The following SCNN1A variants were observed in gnomAD, a reference collection of about 807,000 sequenced individuals.
SCNN1A encodes the protein sodium channel epithelial 1 subunit alpha, also known as epithelial sodium channel subunit alpha.
In SCNN1A, 65 loss-of-function variants were observed where a neutral mutation model predicts 68.6. The observed-to-expected ratio is 0.95, with a 90% CI of 0.78 to 1.16. SCNN1A has a LOEUF of 1.16. SCNN1A is among the 50% of genes most tolerant of loss of function. The probability of loss-of-function intolerance (pLI) is 0.00; values close to 1 mark genes in which losing one functional copy is unlikely to be tolerated. For synonymous variants in SCNN1A, 357 were observed against 353.3 expected (o/e 1.01, Z -0.12); for missense variants, 880 against 865.9 (o/e 1.02, Z -0.20).
rs547416992 is a variant in SCNN1A, at chr12:6,375,019, C to T, written c.-54-182G>A. On this transcript the variant is annotated intron_variant, in intron 1 of 12. Transcript: ENST00000228916. The stretch of plus-strand genomic sequence containing the variant: ...CCTCCCTCCTCCACCTTTCCTGGAG[C>T]CAGCAGACCTGCGGGAGTTGGGGCC... 3.8e-5 allele frequency: 58 copies of T among 1,544,690 alleles called. No homozygotes were observed. The East Asian group carries it at 1.2e-3, about 33-fold the overall frequency.
At position 6,351,340 on chromosome 12, in the gene SCNN1A, A is replaced by C. The variant is rs756154849; in HGVS notation, c.1361-1935T>G. ...ATTCCATCTATATGAAAGATTCAGA[A>C]TAGCCGGGCGCAGTGGCTCATGCCT... On this transcript the variant is annotated intron_variant, in intron 8 of 12. Coordinates refer to ENST00000228916, the MANE Select transcript of SCNN1A (RefSeq NM_001038.6). This position sits in a 1 kb window ranked among gnomAD's most constrained non-coding sequence, Gnocchi z 4.2. Among the ~76,000 whole-genome samples the C allele has an allele frequency of 5.2e-4, 79 of 152,170 alleles. No homozygotes were observed. Among genetic ancestry groups the C allele is most frequent in the Non-Finnish European group, 8.2e-4 (56 of 68,028 alleles).
At chr12:6,359,573 C>T (rs947281154) in intron 4 of SCNN1A, among the ~76,000 whole-genome samples, 2 of 152,032 alleles carry the variant, frequency 1.3e-5, no homozygotes, top group Admixed American at 6.6e-5. Flanking sequence ...TTAGTTCACC[C>T]GATAGCTGGT....
intron 8 of SCNN1A, 172 bp downstream of exon 8, chr12:6,354,266 G>A: frequency 1.5e-6 from 1 of 661,940 alleles, no homozygotes; most frequent in Non-Finnish European, 2.7e-6. Context: ...GACTGAGGGA[G>A]AGGGAAACTG....
chr12:6,355,681 G>C (rs562838882), intron 5 of SCNN1A, 96 bp downstream of exon 5: 413 of 976,110 alleles, frequency 4.2e-4, no homozygotes, highest in Non-Finnish European at 6.1e-4. Context: ...ACAGCAGGCA[G>C]GACCCCTCCC....
At chr12:6,365,651 A>G (rs1007398243) in intron 2 of SCNN1A, among the ~76,000 whole-genome samples, 30 of 147,542 alleles carry the variant, frequency 2.0e-4, no homozygotes, top group Non-Finnish European at 3.7e-4. Context: ...ACTGTATTGG[A>G]AAAAAAATGA....
Position 6,372,432 on chromosome 12 carries a change from C to T in SCNN1A, c.416+1936G>A, listed in dbSNP as rs112509538. On this transcript the variant is annotated intron_variant, in intron 2 of 12. Transcript: ENST00000228916. The surrounding 1 kb of genome is among the most constrained non-coding windows in gnomAD (Gnocchi z 5.8). Reference sequence around the variant, plus strand: ...CCTCTCCTAGGTGTTCTCTCCCTCCCGACTCCCACAGCAGCCCTTCAAGAA... The same window carrying T: ...CCTCTCCTAGGTGTTCTCTCCCTCCTGACTCCCACAGCAGCCCTTCAAGAA... Among the ~76,000 whole-genome samples, 308 of 152,318 alleles carry T rather than the reference C, an allele frequency of 2.0e-3. 1 individual carries two copies. The highest frequency in any genetic ancestry group is 3.5e-3 in the Non-Finnish European group (238 of 68,036).
chr12:6,375,867 C>A, upstream of SCNN1A: 1 of 1,304,046 alleles, frequency 7.7e-7, no homozygotes, highest in Non-Finnish European at 9.7e-7. Context: ...GGGTGGGGAA[C>A]CGGGAGGACA....
intron 1 of SCNN1A, chr12:6,375,187 C>G: frequency 4.1e-6 from 6 of 1,451,696 alleles, no homozygotes; most frequent in Non-Finnish European, 5.4e-6. Context: ...TGTGTCTCAG[C>G]TCCTGCCTCT....
rs768842453 is a variant in SCNN1A at position 6,349,196 on chromosome 12, C to G, written c.1465G>C (p.Gly489Arg). ...CSVTSYQLSA[G>R]YSRWPSVTSQ... ...GTCACCGAGGGCCATCGTGAGTAAC[C>G]AGCAGAGAGCTGGTAGCTGGTCACG... The change falls in exon 10 of 13, where the codon GGT (glycine) becomes CGT (arginine). Residue 489 changes from glycine to arginine, a missense_variant. Gly to Arg is a moderately radical substitution (Grantham distance 125). Around this residue, in one of 3 missense-constraint regions of SCNN1A, gnomAD observed 758 missense variants for 721.8 expected, o/e 1.05. Coordinates refer to ENST00000228916, the MANE Select transcript of SCNN1A (RefSeq NM_001038.6). The G allele has an allele frequency of 1.2e-6, 2 of 1,614,162 alleles. No homozygotes were observed. Among genetic ancestry groups the G allele is most frequent in the Admixed American group, 3.3e-5 (2 of 60,024 alleles).
At chr12:6,353,451 T>C (rs1475481031) in intron 8 of SCNN1A, among the ~76,000 whole-genome samples, 1 of 152,024 alleles carries the variant, frequency 6.6e-6, no homozygotes, top group Admixed American at 6.6e-5. Flanking sequence ...CTAAGCGCCC[T>C]GGGCACTGAG....
chr12:6,356,961 A>G (rs78247685), intron 4 of SCNN1A, among the ~76,000 whole-genome samples: 20 of 152,336 alleles, frequency 1.3e-4, no homozygotes, highest in Non-Finnish European at 2.4e-4. Flanking sequence ...TGTAAAATGT[A>G]GGATGATTCT....
At chr12:6,375,564 G>A (rs1200370244), upstream of SCNN1A, 21 of 1,533,446 alleles carry the variant, frequency 1.4e-5, no homozygotes, top group East Asian at 4.9e-5. Context: ...GGATGGAAGC[G>A]ACAGGAATCT....
In SCNN1A at chr12:6,351,519, C is replaced by T. The variant is rs150145131; in HGVS notation, c.1361-2114G>A. Among the ~76,000 whole-genome samples, 11 of 151,540 alleles carry T rather than the reference C, an allele frequency of 7.3e-5. No homozygotes were observed. Among genetic ancestry groups the T allele is most frequent in the African/African-American group, 2.4e-4 (10 of 41,202 alleles). ...GCGCCTGTATGTAGTCCCAGGTACTCGGGAAGCTGAGACAGGAGAATTGCT... is the reference window on the plus strand; with the variant it reads ...GCGCCTGTATGTAGTCCCAGGTACTTGGGAAGCTGAGACAGGAGAATTGCT... On this transcript the variant is annotated intron_variant, in intron 8 of 12. Transcript: ENST00000228916. The surrounding 1 kb of genome is among the most constrained non-coding windows in gnomAD (Gnocchi z 4.2).
rs1469684868 is a variant in SCNN1A, at chr12:6,347,966, G to A, written c.1917C>T (p.Ala639=). The change falls in exon 13 of 13, where the codon GCC becomes GCT. Residue 639 remains alanine (A), a synonymous_variant. Coordinates refer to ENST00000228916, the MANE Select transcript of SCNN1A (RefSeq NM_001038.6). ...CCAGGGTGGCATAGGCAGGGGGAGG[G>A]GCTGTCAAGGCTGGAGAGGGAGCAG... ...PGPAPSPALT[A]PPPAYATLGP... 5 of 1,560,760 alleles carry A rather than the reference G, an allele frequency of 3.2e-6. No individual in the cohort carries two copies. In the Admixed American group the frequency reaches 9.3e-5, roughly 29 times the overall value.
At position 6,347,327 on chromosome 12, in the gene SCNN1A, C is replaced by T. The variant is rs973450383; in HGVS notation, c.*546G>A. 6.0e-6 allele frequency: 1 copy of T among 165,704 alleles called. No individual in the cohort carries two copies. Among genetic ancestry groups the T allele is most frequent in the African/African-American group, 2.4e-5 (1 of 41,596 alleles). 10.3% of individuals were successfully genotyped at this position (165,704 alleles called of 1,614,324 possible). A position where few individuals can be genotyped will look rare whatever the true frequency, so the allele number is the denominator to read the frequency against. The stretch of plus-strand genomic sequence containing the variant: ...TTACCCGGGTCTGCTCTAGCCCTAG[C>T]CCTCGGGAGTCAGGGAAGGGGAATT... On this transcript the variant is annotated 3_prime_UTR_variant, in exon 13 of 13. Transcript: ENST00000228916.
At chr12:6,377,214 G>T, upstream of SCNN1A, 4 of 1,532,848 alleles carry the variant, frequency 2.6e-6, 1 homozygote, top group South Asian at 2.4e-5. Flanking sequence ...GTGAAAGCCG[G>T]TGTCAACCAG....
rs59652159 is a variant in SCNN1A at position 6,359,764 on chromosome 12, CTTTTTTT to C, written c.875+2280_875+2286del. Among the ~76,000 whole-genome samples, 14 of 76,946 alleles carry C rather than the reference CTTTTTTT, an allele frequency of 1.8e-4. No individual in the cohort carries two copies. In the South Asian group the frequency reaches 2.4e-3, roughly 13 times the overall value. The allele number at this position is 76,946 out of a possible 152,430, so 50.5% of individuals were successfully genotyped here. ...ATAAATTACCCAGACTCAGATATTCCTTTTTTTTTTTTTTTTTTTTTTTTCAGATGGA... is the reference window on the plus strand; with the variant it reads ...ATAAATTACCCAGACTCAGATATTCCTTTTTTTTTTTTTTTTTCAGATGGA... On this transcript the variant is annotated intron_variant, in intron 4 of 12. Transcript: ENST00000228916.
At position 6,351,498 on chromosome 12, in the gene SCNN1A, C is replaced by T. The variant is rs551813417; in HGVS notation, c.1361-2093G>A. Among the ~76,000 whole-genome samples, 1 of 152,092 alleles carries T rather than the reference C, an allele frequency of 6.6e-6. No individual in the cohort carries two copies. The highest frequency in any genetic ancestry group is 6.5e-5 in the Admixed American group (1 of 15,278). ...ATTAGCTGGGCTTGGCAGCATGCGC[C>T]TGTATGTAGTCCCAGGTACTCGGGA... On this transcript the variant is annotated intron_variant, in intron 8 of 12. Coordinates refer to ENST00000228916, the MANE Select transcript of SCNN1A (RefSeq NM_001038.6). This position sits in a 1 kb window ranked among gnomAD's most constrained non-coding sequence, Gnocchi z 4.2.
chr12:6,349,214 T>C lies in SCNN1A; in HGVS notation c.1447A>G (p.Ser483Gly). 2 of 1,614,154 alleles carry C rather than the reference T, an allele frequency of 1.2e-6. No individual in the cohort carries two copies. The highest frequency in any genetic ancestry group is 1.7e-6 in the Non-Finnish European group (2 of 1,180,004). Residue 483 changes from serine to glycine, a missense_variant, in exon 10 of 13, where the codon AGC becomes GGC. Ser to Gly is a moderately conservative substitution (Grantham distance 56). This residue lies in a region of SCNN1A where 758 missense variants were observed against 721.8 expected (regional missense o/e 1.05). Coordinates refer to ENST00000228916, the MANE Select transcript of SCNN1A (RefSeq NM_001038.6). The stretch of plus-strand genomic sequence containing the variant: ...GAGTAACCAGCAGAGAGCTGGTAGC[T>C]GGTCACGCTGGGGATGGAGAAAGGT... ...TKCRKPCSVT[S>G]YQLSAGYSRW...
Sources: gnomAD v4.1 joint callset for allele counts (sites outside exome capture counted in the v4.1 genomes callset) on GRCh38, gnomAD v4.1.1 for gene constraint, gnomAD v4.1.1 regional missense constraint, Gnocchi (gnomAD v3.1) non-coding constraint, MANE v1.5 for transcripts, NCBI Gene and HGNC (gene_info 2026-07-23, HGNC 2026-07-21) for gene names.